Variants in EDEM3 observed in about 807,000 individuals in gnomAD.
EDEM3 encodes ER degradation-enhancing alpha-mannosidase-like protein 3.
EDEM3 carries 60 observed loss-of-function variants against 110.2 expected under a neutral mutation model. The ratio of observed to expected loss-of-function variants is 0.54; its 90% CI spans 0.44 to 0.67. The LOEUF (loss-of-function observed/expected upper bound fraction) is 0.67, where lower values mean the gene tolerates loss of function less well. Ranked by LOEUF, EDEM3 falls within the 30% of genes least tolerant of loss-of-function variation. The pLI, the probability that EDEM3 is intolerant of heterozygous loss-of-function variation, is 0.00. For missense variants in EDEM3, 996 were observed against 1,121.0 expected (o/e 0.89, Z 1.59); for synonymous variants, 352 against 382.9 (o/e 0.92, Z 0.94).
chr1:184,754,637 C>T lies in EDEM3; in HGVS notation c.10G>A (p.Ala4Thr), dbSNP rs1470459699. 6.3e-7 allele frequency: 1 copy of T among 1,580,342 alleles called. No individual in the cohort carries two copies. Among genetic ancestry groups the T allele is most frequent in the Admixed American group, 1.8e-5 (1 of 54,700 alleles). ...GGGGACCCACAGCCCCGGCCGCCGG[C>T]TTCGCTCATGGCCCCGCGGTTCCGC... MSE[A>T]GGRGCGSPVP... The change falls in exon 1 of 20, where the codon GCC becomes ACC. Residue 4 changes from alanine to threonine, a missense_variant. Ala to Thr is a moderately conservative substitution (Grantham distance 58). Around this residue, in one of 5 missense-constraint regions of EDEM3, gnomAD observed 200 missense variants for 183.8 expected, o/e 1.09. Transcript: ENST00000318130.
intron 1 of EDEM3, among the ~76,000 whole-genome samples, chr1:184,754,038 C>T (rs1450655323): frequency 6.6e-6 from 1 of 152,196 alleles, no homozygotes; most frequent in Non-Finnish European, 1.5e-5. Flanking sequence ...AATGAACGCC[C>T]CCTTTTCCGT....
chr1:184,733,031 C>A (rs770439197), intron 5 of EDEM3, 41 bp from the exon 6 acceptor site: 2 of 1,555,096 alleles, frequency 1.3e-6, no homozygotes, highest in Non-Finnish European at 1.7e-6. Context: ...ATCTTATAGA[C>A]AATTAAAAGT....
In EDEM3 at chr1:184,736,884, A is replaced by G. The variant is rs1288245440; in HGVS notation, c.345+141T>C. On this transcript the variant is annotated intron_variant, in intron 4 of 19. Transcript: ENST00000318130. ...TTTGACATCATCAACTCAACAGTGT[A>G]AAAGATTTATTTAGAAGCAAAGATC... The G allele has an allele frequency of 4.3e-5, 29 of 668,700 alleles. 1 individual carries two copies. The Admixed American group carries it at 7.0e-4, about 16-fold the overall frequency. 41.4% of individuals were successfully genotyped at this position (668,700 alleles called of 1,614,324 possible).
chr1:184,707,819 T>C (rs1650014595), intron 17 of EDEM3, among the ~76,000 whole-genome samples: 1 of 152,222 alleles, frequency 6.6e-6, no homozygotes, highest in Non-Finnish European at 1.5e-5. Context: ...ATTAAGCTCC[T>C]GGTTTAGACT....
At chr1:184,712,084 G>A (rs1490470949) in intron 14 of EDEM3, among the ~76,000 whole-genome samples, 3 of 151,776 alleles carry the variant, frequency 2.0e-5, no homozygotes, top group Admixed American at 1.3e-4. Context: ...CCACTACCAC[G>A]CCCAGCTAAT....
chr1:184,749,214 TAA>T (rs1652613507), intron 2 of EDEM3, among the ~76,000 whole-genome samples: 1 of 152,148 alleles, frequency 6.6e-6, no homozygotes, highest in South Asian at 2.1e-4. Context: ...TTTTTTAAAT[TAA>T]GAGAATAATC....
At chr1:184,720,866 T>A (rs1558055605) in intron 9 of EDEM3, 1 of 161,212 alleles carries the variant, frequency 6.2e-6, no homozygotes, top group Admixed American at 6.5e-5. Flanking sequence ...TTGAAATGAA[T>A]ACTCACTAGT....
At chr1:184,733,827 C>CA (rs541170337) in intron 5 of EDEM3, among the ~76,000 whole-genome samples, 1,078 of 96,268 alleles carry the variant, frequency 0.011, 8 homozygotes, top group African/African-American at 0.029. Flanking sequence ...AGTCTGTCTC[C>CA]AAAAAAAAAA....
At chr1:184,727,734 T>G (rs746713741) in intron 6 of EDEM3, among the ~76,000 whole-genome samples, 1 of 152,216 alleles carries the variant, frequency 6.6e-6, no homozygotes, top group Non-Finnish European at 1.5e-5. Context: ...TGAGACATTT[T>G]CATGTGCTAT....
At chr1:184,712,625 T>C in intron 13 of EDEM3, 27 bp from the exon 14 acceptor site, 4 of 1,422,024 alleles carry the variant, frequency 2.8e-6, no homozygotes, top group Non-Finnish European at 1.9e-6. Context: ...CAAATAAATA[T>C]AAGTAGATAA....
At chr1:184,734,357 T>C (rs903336376) in intron 5 of EDEM3, among the ~76,000 whole-genome samples, 174 bp downstream of exon 5, 1 of 151,990 alleles carries the variant, frequency 6.6e-6, no homozygotes, top group South Asian at 2.1e-4. Flanking sequence ...TAGTCCCAGC[T>C]ACTCAGGAGG....
At chr1:184,696,559 G>A (rs549467596) in intron 19 of EDEM3, among the ~76,000 whole-genome samples, 2 of 151,816 alleles carry the variant, frequency 1.3e-5, no homozygotes, top group Non-Finnish European at 2.9e-5. Context: ...GACTCTGAAA[G>A]TTTACATTCT....
At chr1:184,727,688 A>G (rs1035777298) in intron 6 of EDEM3, among the ~76,000 whole-genome samples, 11 of 152,192 alleles carry the variant, frequency 7.2e-5, no homozygotes, top group African/African-American at 2.7e-4. Context: ...TGTTGTTCTC[A>G]GTACTGCCAT....
chr1:184,693,825 G>C lies in EDEM3; in HGVS notation c.*238C>G. 2.1e-6 allele frequency: 1 copy of C among 469,394 alleles called. No homozygotes were observed. Among genetic ancestry groups the C allele is most frequent in the Non-Finnish European group, 3.8e-6 (1 of 262,054 alleles). 29.1% of individuals were successfully genotyped at this position (469,394 alleles called of 1,614,324 possible). A position where few individuals can be genotyped will look rare whatever the true frequency, so the allele number is the denominator to read the frequency against. ...GCCTGAGGTGTTGCAGGGTGGTGCA[G>C]TGCTGCATTTGAAGGGGGAACTGTG... On this transcript the variant is annotated 3_prime_UTR_variant, in exon 20 of 20. Transcript: ENST00000318130.
chr1:184,703,058 T>G (rs1649716936), intron 18 of EDEM3, 62 bp from the exon 19 acceptor site: 1 of 1,258,308 alleles, frequency 7.9e-7, no homozygotes, highest in African/African-American at 1.6e-5. Context: ...ATCTATCTAC[T>G]AATTGTTACT....
intron 19 of EDEM3, among the ~76,000 whole-genome samples, chr1:184,696,574 GT>G (rs905561552): frequency 3.3e-5 from 5 of 151,480 alleles, no homozygotes; most frequent in East Asian, 3.9e-4. Context: ...CATTCTTAGG[GT>G]TTTTTTTCCG....
Position 184,693,450 on chromosome 1 carries a change from A to G in EDEM3, c.*613T>C, listed in dbSNP as rs1294050474. On this transcript the variant is annotated 3_prime_UTR_variant, in exon 20 of 20. Transcript: ENST00000318130. ...GGCTTCACCTTTGGTTTAAATAAAA[A>G]AGACATTGTTAAGAAGGAAAAAAAA... is the stretch of plus-strand genomic sequence containing the variant. The G allele has an allele frequency of 6.6e-6, 1 of 152,576 alleles. No individual in the cohort carries two copies. Among genetic ancestry groups the G allele is most frequent in the African/African-American group, 2.4e-5 (1 of 41,446 alleles). 9.5% of individuals were successfully genotyped at this position (152,576 alleles called of 1,614,324 possible). A position where few individuals can be genotyped will look rare whatever the true frequency, so the allele number is the denominator to read the frequency against.
chr1:184,751,995 C>T (rs1216402455), intron 1 of EDEM3, among the ~76,000 whole-genome samples: 2 of 152,038 alleles, frequency 1.3e-5, no homozygotes, highest in Non-Finnish European at 1.5e-5. Context: ...TCAGGTGATT[C>T]GCCCGCCTCA....
chr1:184,749,365 T>C (rs577489448), intron 2 of EDEM3, among the ~76,000 whole-genome samples, 182 bp downstream of exon 2: 1 of 152,270 alleles, frequency 6.6e-6, no homozygotes, highest in Non-Finnish European at 1.5e-5. Flanking sequence ...CAATTTATTC[T>C]TATCTGTTCA....
Sources: allele counts gnomAD v4.1 joint callset (sites outside exome capture counted in the v4.1 genomes callset), GRCh38; gene constraint gnomAD v4.1.1; regional missense constraint gnomAD v4.1.1; transcripts MANE v1.5; gene names NCBI Gene and HGNC (gene_info 2026-07-23, HGNC 2026-07-21).